CYP2J2: variants seen among roughly 807,000 people sequenced by gnomAD.
CYP2J2 encodes the protein cytochrome P450 family 2 subfamily J member 2.
CYP2J2 carries 41 observed loss-of-function variants against 48.8 expected under a neutral mutation model. That is an observed-to-expected ratio of 0.84 (90% CI 0.66 to 1.09). CYP2J2 has a LOEUF of 1.09. Ranked by LOEUF, CYP2J2 falls within the 50% of genes least tolerant of loss-of-function variation. The pLI, the probability that CYP2J2 is intolerant of heterozygous loss-of-function variation, is 0.00. For synonymous variants in CYP2J2, 221 were observed against 227.1 expected, an observed-to-expected ratio of 0.97 and a Z score of 0.24; for missense variants, 644 against 617.3, an observed-to-expected ratio of 1.04 and a Z score of -0.46.
At chr1:59,934,989 G>GATATAT in the CYP2J2 span, among the ~76,000 whole-genome samples, 16 of 58,400 alleles carry the variant, frequency 2.7e-4, no homozygotes, top group East Asian at 2.1e-3. Flanking sequence ...AAGAAAATGG[G>GATATAT]ATATATATAT....
chr1:59,937,762 C>T, the CYP2J2 span, among the ~76,000 whole-genome samples: 1 of 151,904 alleles, frequency 6.6e-6, no homozygotes, highest in African/African-American at 2.4e-5. Flanking sequence ...TTTTATTCTT[C>T]GTTCTTTTGT....
chr1:59,913,211 T>C (rs910611884), intron 2 of CYP2J2: 2 of 152,212 alleles, frequency 1.3e-5, no homozygotes, highest in African/African-American at 4.8e-5. Flanking sequence ...ACTTCCTATA[T>C]ATTTTGCTGG....
At chr1:59,921,194 T>C (rs1034554755) in intron 1 of CYP2J2, among the ~76,000 whole-genome samples, 8 of 152,208 alleles carry the variant, frequency 5.3e-5, no homozygotes, top group African/African-American at 9.6e-5. Context: ...AGTACATCAA[T>C]TGTCCTCTAA....
chr1:59,895,871 A>T (rs1644264639), intron 8 of CYP2J2, among the ~76,000 whole-genome samples: 2 of 152,186 alleles, frequency 1.3e-5, no homozygotes, highest in African/African-American at 4.8e-5. Flanking sequence ...CACTTTACTA[A>T]GGGAAATGCT....
chr1:59,949,661 C>G, the CYP2J2 span, among the ~76,000 whole-genome samples: 32 of 151,100 alleles, frequency 2.1e-4, no homozygotes, highest in Non-Finnish European at 4.4e-5. Context: ...GGAGCAGGTC[C>G]TAATTTCTCT....
chr1:59,893,756 T>C lies in CYP2J2; in HGVS notation c.1404A>G (p.Lys468=). 3 of 1,613,434 alleles carry C rather than the reference T, an allele frequency of 1.9e-6. No individual in the cohort carries two copies. The highest frequency in any genetic ancestry group is 2.5e-6 in the Non-Finnish European group (3 of 1,179,714). ...LFIFFTSLMQ[K]FTFRPPNNEK... ...CATTGTTTGGGGGCCTGAAGGTAAA[T>C]TTTTGCATAAGGGAAGTGAAGAAAA... The change falls in exon 9 of 9, where the codon AAA becomes AAG. Residue 468 remains lysine, a synonymous_variant. Coordinates refer to ENST00000371204, the MANE Select transcript of CYP2J2 (RefSeq NM_000775.4).
chr1:59,964,291 G>A, the CYP2J2 span, among the ~76,000 whole-genome samples: 2 of 152,234 alleles, frequency 1.3e-5, no homozygotes, highest in African/African-American at 2.4e-5. Context: ...CACTGACAGT[G>A]TGGGAACCAA....
intron 1 of CYP2J2, among the ~76,000 whole-genome samples, chr1:59,916,852 A>G (rs1284001082): frequency 6.6e-6 from 1 of 152,092 alleles, no homozygotes; most frequent in Non-Finnish European, 1.5e-5. Flanking sequence ...GCCACTTAAG[A>G]AGGCTGAGAC....
chr1:59,924,107 G>C (rs1205475939), intron 1 of CYP2J2, among the ~76,000 whole-genome samples: 1 of 152,156 alleles, frequency 6.6e-6, no homozygotes, highest in Non-Finnish European at 1.5e-5. Context: ...GATGACAGTA[G>C]ATTTCTTAAC....
the CYP2J2 span, among the ~76,000 whole-genome samples, chr1:59,947,770 ATC>A: frequency 6.6e-6 from 1 of 152,172 alleles, no homozygotes. Flanking sequence ...CCTTGGCTCC[ATC>A]TAAGGGCATC....
chr1:59,929,428 T>C (rs537811397), upstream of CYP2J2, among the ~76,000 whole-genome samples: 1 of 152,280 alleles, frequency 6.6e-6, no homozygotes, highest in East Asian at 1.9e-4. Flanking sequence ...AAACTGCCTG[T>C]GAGAGAGCCA....
At chr1:59,948,337 G>A in the CYP2J2 span, among the ~76,000 whole-genome samples, 2 of 152,126 alleles carry the variant, frequency 1.3e-5, no homozygotes, top group African/African-American at 2.4e-5. Flanking sequence ...TCCCCTGATG[G>A]CTGTCCATCA....
At chr1:59,893,888 G>C (rs971894422) in intron 8 of CYP2J2, 59 bp from the exon 9 acceptor site, 1 of 1,507,172 alleles carries the variant, frequency 6.6e-7, no homozygotes. Flanking sequence ...GCCTAGCAGA[G>C]ATTGCTATCC....
At chr1:59,946,102 G>A in the CYP2J2 span, among the ~76,000 whole-genome samples, 23 of 152,280 alleles carry the variant, frequency 1.5e-4, no homozygotes, top group South Asian at 6.2e-4. Context: ...CCTGTCTAAT[G>A]CCTTCCCATC....
intron 8 of CYP2J2, among the ~76,000 whole-genome samples, chr1:59,897,575 G>A (rs932277588): frequency 6.6e-6 from 1 of 152,088 alleles, no homozygotes. Flanking sequence ...AACCAACCAG[G>A]CCAGTTACCT....
chr1:59,920,068 A>G (rs1241983486), intron 1 of CYP2J2, among the ~76,000 whole-genome samples: 6 of 152,070 alleles, frequency 3.9e-5, no homozygotes, highest in African/African-American at 1.4e-4. Flanking sequence ...ACATAAAGCT[A>G]TCGCAAGAAG....
chr1:59,906,454 T>C lies in CYP2J2; in HGVS notation c.1003+1332A>G, dbSNP rs139710679. 2.3e-3 allele frequency among the ~76,000 whole-genome samples: 351 copies of C among 152,206 alleles called. 2 individuals carry two copies. Among genetic ancestry groups the C allele is most frequent in the African/African-American group, 8.0e-3 (333 of 41,504 alleles). On this transcript the variant is annotated intron_variant, in intron 6 of 8. Coordinates refer to ENST00000371204, the MANE Select transcript of CYP2J2 (RefSeq NM_000775.4). ...GCTTTGCAAAGCCTAGTTTGGATTT[T>C]TTTTTTTTTACCTGAAAGCGAAATA...
intron 6 of CYP2J2, among the ~76,000 whole-genome samples, chr1:59,907,172 C>T (rs915691220): frequency 6.6e-6 from 1 of 152,078 alleles, no homozygotes; most frequent in African/African-American, 2.4e-5. Context: ...CTAATAATTT[C>T]CTAGGGGAGC....
Position 59,893,674 on chromosome 1 carries a change from G to A in CYP2J2, c.1486C>T (p.Leu496Phe). ...TATTACACCTGAGGAACAGCGCAGA[G>A]GCGGTGACTGACTGGGGAAATGGTG... ...GITISPVSHRLCAVPQV is the reference protein window; with the variant it reads ...GITISPVSHRFCAVPQV Residue 496 changes from leucine to phenylalanine, a missense_variant, in exon 9 of 9, where the codon CTC becomes TTC. By Grantham distance (22) the Leu-to-Phe change is conservative. Transcript: ENST00000371204. The A allele has an allele frequency of 6.2e-7, 1 of 1,612,580 alleles. No individual in the cohort carries two copies. Among genetic ancestry groups the A allele is most frequent in the Non-Finnish European group, 8.5e-7 (1 of 1,179,360 alleles).
Sources: allele counts gnomAD v4.1 joint callset (sites outside exome capture counted in the v4.1 genomes callset), GRCh38; gene constraint gnomAD v4.1.1; transcripts MANE v1.5; gene names NCBI Gene and HGNC (gene_info 2026-07-23, HGNC 2026-07-21).